The following EML5 variants were observed in gnomAD, a reference collection of about 807,000 sequenced individuals.
EML5 encodes EMAP like 5.
In EML5, 120 loss-of-function variants were observed where a neutral mutation model predicts 250.0. That is an observed-to-expected ratio of 0.48 (90% CI 0.41 to 0.56). EML5 has a LOEUF of 0.56. Among genes scored for constraint, EML5 ranks in the 20% least tolerant of loss-of-function variants. The pLI is 0.00. For synonymous variants in EML5, 771 were observed against 806.5 expected, an observed-to-expected ratio of 0.96 and a Z score of 0.75; for missense variants, 2,006 against 2,437.6, an observed-to-expected ratio of 0.82 and a Z score of 3.73.
chr14:88,622,735 G>A lies in EML5; in HGVS notation c.4899-17C>T, dbSNP rs2089226455. 3 of 1,557,172 alleles carry A rather than the reference G, an allele frequency of 1.9e-6. No homozygotes were observed. Among genetic ancestry groups the A allele is most frequent in the South Asian group, 1.2e-5 (1 of 82,288 alleles). Reference sequence around the variant, plus strand: ...TCTTTTGACCTAAGTAAATAACCAAGCCAGAGTAAGTGTTCATTATTGGCT... The same window carrying A: ...TCTTTTGACCTAAGTAAATAACCAAACCAGAGTAAGTGTTCATTATTGGCT... On this transcript the variant is annotated splice_polypyrimidine_tract_variant and intron_variant, in intron 36 of 43. Coordinates refer to ENST00000554922, the MANE Select transcript of EML5 (RefSeq NM_183387.3).
chr14:88,755,107 A>G (rs1355361608), intron 1 of EML5, among the ~76,000 whole-genome samples: 2 of 152,216 alleles, frequency 1.3e-5, no homozygotes, highest in Admixed American at 1.3e-4. Flanking sequence ...CCCAGCAGGT[A>G]ATTTGGATTT....
In EML5 at chr14:88,613,983, CT is replaced by C. The variant is rs1346807470; in HGVS notation, c.*1834del. On this transcript the variant is annotated 3_prime_UTR_variant, in exon 44 of 44. Coordinates refer to ENST00000554922, the MANE Select transcript of EML5 (RefSeq NM_183387.3). ...TGACAGCAGCAGTGATTAAGGCTGA[CT>C]TAATCAGGTTGGCCACTTTGAAGGA... is the stretch of plus-strand genomic sequence containing the variant. 2.6e-5 allele frequency: 4 copies of C among 152,200 alleles called. No homozygotes were observed. Among genetic ancestry groups the C allele is most frequent in the Non-Finnish European group, 5.9e-5 (4 of 68,038 alleles). The allele number at this position is 152,200 out of a possible 1,614,324, so 9.4% of individuals were successfully genotyped here.
intron 37 of EML5, 57 bp downstream of exon 37, chr14:88,622,547 C>A: frequency 3.0e-6 from 4 of 1,352,166 alleles, no homozygotes; most frequent in African/African-American, 1.5e-5. Flanking sequence ...GAGGGAATCA[C>A]AGTAATAACC....
rs2087232252 is a variant in EML5 at position 88,614,093 on chromosome 14, A to G, written c.*1725T>C. The G allele has an allele frequency of 6.6e-6, 1 of 152,250 alleles. No homozygotes were observed. Among genetic ancestry groups the G allele is most frequent in the African/African-American group, 2.4e-5 (1 of 41,462 alleles). The allele number at this position is 152,250 out of a possible 1,614,324, so 9.4% of individuals were successfully genotyped here. ...TTTCTACCTGCACTGTAATGGAAATATAATTTCTCTGTAGCCAAAAGCTGG... is the reference window on the plus strand; with the variant it reads ...TTTCTACCTGCACTGTAATGGAAATGTAATTTCTCTGTAGCCAAAAGCTGG... On this transcript the variant is annotated 3_prime_UTR_variant, in exon 44 of 44. Coordinates refer to ENST00000554922, the MANE Select transcript of EML5 (RefSeq NM_183387.3).
At chr14:88,725,774 G>A (rs2093657287) in intron 8 of EML5, among the ~76,000 whole-genome samples, 1 of 152,200 alleles carries the variant, frequency 6.6e-6, no homozygotes, top group Non-Finnish European at 1.5e-5. Flanking sequence ...CCAGTTAGTA[G>A]ATGACAGAAG....
rs538286668 is a variant in EML5 at position 88,676,474 on chromosome 14, T to C, written c.3124+5416A>G. On this transcript the variant is annotated intron_variant, in intron 21 of 43. Coordinates refer to ENST00000554922, the MANE Select transcript of EML5 (RefSeq NM_183387.3). ...GAAAGACCTGCCCCCATGATTCAATTACCTCCCACCAGGTCCCTCCCACAA... is the reference window on the plus strand; with the variant it reads ...GAAAGACCTGCCCCCATGATTCAATCACCTCCCACCAGGTCCCTCCCACAA... 2.0e-5 allele frequency among the ~76,000 whole-genome samples: 3 copies of C among 152,256 alleles called. No individual in the cohort carries two copies. In the South Asian group the frequency reaches 6.2e-4, roughly 32 times the overall value.
chr14:88,627,546 T>C (rs1418108865), intron 34 of EML5, 100 bp downstream of exon 34: 72 of 1,238,494 alleles, frequency 5.8e-5, no homozygotes, highest in Non-Finnish European at 7.5e-5. Flanking sequence ...CACTGAATGA[T>C]TGTTTCAACC....
In EML5 at chr14:88,746,300, A is replaced by G; in HGVS notation, c.358-17T>C. 1 of 1,596,620 alleles carries G rather than the reference A, an allele frequency of 6.3e-7. No individual in the cohort carries two copies. Among genetic ancestry groups the G allele is most frequent in the Non-Finnish European group, 8.5e-7 (1 of 1,172,158 alleles). ...AACCAAGCGCTGATTTATGTCCAAG[A>G]AGTCCAGGAAGGAATAAAAAGGCAA... On this transcript the variant is annotated splice_polypyrimidine_tract_variant and intron_variant, in intron 2 of 43. Transcript: ENST00000554922.
At chr14:88,710,917 C>A (rs150042908) in intron 10 of EML5, among the ~76,000 whole-genome samples, 5 of 152,160 alleles carry the variant, frequency 3.3e-5, no homozygotes, top group Non-Finnish European at 1.5e-5. Flanking sequence ...GCAATAATAT[C>A]GACTTCTCTC....
At chr14:88,647,072 T>C (rs747000215) in intron 28 of EML5, 117 bp from the exon 29 acceptor site, 36 of 918,616 alleles carry the variant, frequency 3.9e-5, no homozygotes, top group Admixed American at 2.0e-4. Flanking sequence ...ACAGCTATAT[T>C]GCATAATATT....
At chr14:88,618,009 C>CT in intron 41 of EML5, 1 of 189,096 alleles carries the variant, frequency 5.3e-6, no homozygotes, top group Middle Eastern at 1.2e-3. Context: ...CTTTGATTTC[C>CT]TTAAAAAAAA....
At chr14:88,631,653 T>C (rs1595284946) in intron 33 of EML5, among the ~76,000 whole-genome samples, 1 of 152,072 alleles carries the variant, frequency 6.6e-6, no homozygotes, top group Non-Finnish European at 1.5e-5. Context: ...GCCTGTAATC[T>C]CAGCTACTTG....
intron 14 of EML5, among the ~76,000 whole-genome samples, chr14:88,699,993 C>T (rs1035639836): frequency 3.3e-5 from 5 of 152,138 alleles, no homozygotes; most frequent in African/African-American, 7.2e-5. Flanking sequence ...CATACATATA[C>T]ACACAGAATA....
intron 31 of EML5, among the ~76,000 whole-genome samples, chr14:88,642,379 A>T (rs1399721485): frequency 6.6e-6 from 1 of 152,158 alleles, no homozygotes; most frequent in Non-Finnish European, 1.5e-5. Flanking sequence ...TCAAGAAATA[A>T]TTTTCTCACC....
chr14:88,774,305 G>A (rs7156823), intron 1 of EML5, among the ~76,000 whole-genome samples: 26,757 of 152,092 alleles, frequency 0.18, 2,912 homozygotes, highest in East Asian at 0.47. Context: ...AACGATCCAG[G>A]GCTGCCAGCT....
At position 88,615,874 on chromosome 14, in the gene EML5, T is replaced by C. The variant is rs767358408; in HGVS notation, c.5898-20A>G. 1.4e-5 allele frequency: 23 copies of C among 1,606,180 alleles called. No homozygotes were observed. The highest frequency in any genetic ancestry group is 1.3e-4 in the African/African-American group (10 of 74,830). On this transcript the variant is annotated intron_variant, in intron 43 of 43. Transcript: ENST00000554922. ...AATAAGCTGCAATCAGAGAAGAAAA[T>C]TGCAGGGAGTTAATTATGTTTTTAG...
chr14:88,629,283 TTTTA>T (rs1462223914), intron 33 of EML5, among the ~76,000 whole-genome samples: 1 of 152,112 alleles, frequency 6.6e-6, no homozygotes, highest in African/African-American at 2.4e-5. Context: ...AGTTTTAAAG[TTTTA>T]TTTATCTAAA....
intron 27 of EML5, among the ~76,000 whole-genome samples, chr14:88,650,240 G>T (rs539240380): frequency 6.6e-6 from 1 of 152,220 alleles, no homozygotes; most frequent in African/African-American, 2.4e-5. Flanking sequence ...ATCACTTGAG[G>T]TCAGGAGTTC....
rs918157904 is a variant in EML5, at chr14:88,678,076, T to C, written c.3124+3814A>G. Reference sequence around the variant, plus strand: ...TCGATATTAGACTGGATAAAGAAAATGTGGTATATATACACCATGGGATAC... The same window carrying C: ...TCGATATTAGACTGGATAAAGAAAACGTGGTATATATACACCATGGGATAC... On this transcript the variant is annotated intron_variant, in intron 21 of 43. Transcript: ENST00000554922. Among the ~76,000 whole-genome samples the C allele has an allele frequency of 4.6e-5, 7 of 152,086 alleles. 1 individual carries two copies. The highest frequency in any genetic ancestry group is 3.8e-4 in the East Asian group (2 of 5,198).
Sources: allele counts gnomAD v4.1 joint callset (sites outside exome capture counted in the v4.1 genomes callset), GRCh38; gene constraint gnomAD v4.1.1; transcripts MANE v1.5; gene names NCBI Gene and HGNC (gene_info 2026-07-23, HGNC 2026-07-21).